Variants in FLACC1 observed in about 807,000 individuals in gnomAD.
FLACC1 encodes the protein flagellum associated containing coiled-coil domains 1.
FLACC1 carries 66 observed loss-of-function variants against 62.8 expected under a neutral mutation model. The observed-to-expected ratio is 1.05, with a 90% CI of 0.86 to 1.29. FLACC1 has a LOEUF of 1.29. FLACC1 is among the 50% of genes most tolerant of loss of function. FLACC1 has a pLI of 0.00. For synonymous variants in FLACC1, 156 were observed against 161.0 expected, an observed-to-expected ratio of 0.97 and a Z score of 0.24; for missense variants, 452 against 489.1, an observed-to-expected ratio of 0.92 and a Z score of 0.71.
intron 9 of FLACC1, among the ~76,000 whole-genome samples, chr2:201,316,088 CTTATATAAA>C (rs1471837846): frequency 3.9e-5 from 6 of 152,030 alleles, no homozygotes; most frequent in African/African-American, 1.4e-4. Flanking sequence ...GCCCTAAACA[CTTATATAAA>C]AAAGTCTGAA....
At position 201,326,746 on chromosome 2, in the gene FLACC1, A is replaced by G. The variant is rs1950507050; in HGVS notation, c.675+3724T>C. 6.6e-6 allele frequency among the ~76,000 whole-genome samples: 1 copy of G among 152,194 alleles called. No homozygotes were observed. Among genetic ancestry groups the G allele is most frequent in the South Asian group, 2.1e-4 (1 of 4,832 alleles). ...GTTGTGAAAATGACCATACTGCCCA[A>G]AGTAATCTTGCATTACAGATCCAGT... On this transcript the variant is annotated intron_variant, in intron 9 of 14. Transcript: ENST00000392257. This position sits in a 1 kb window ranked among gnomAD's most constrained non-coding sequence, Gnocchi z 4.1.
intron 4 of FLACC1, 58 bp downstream of exon 4, chr2:201,348,196 G>A: frequency 6.5e-7 from 1 of 1,536,938 alleles, no homozygotes; most frequent in East Asian, 2.3e-5. Flanking sequence ...GCCCATGCTT[G>A]CACATAGTAG....
At chr2:201,339,849 T>G (rs1950771045) in intron 7 of FLACC1, among the ~76,000 whole-genome samples, 1 of 152,188 alleles carries the variant, frequency 6.6e-6, no homozygotes, top group Admixed American at 6.5e-5. Context: ...TTTTAGTGTT[T>G]TTTTCAGGTG....
rs187109214 is a variant in FLACC1 at position 201,349,903 on chromosome 2, T to C, written c.185+808A>G. ...GATACAGTGACTTTGAATCAAACAA[T>C]GCAATGACTTTGGAAGCTGTGGATG... On this transcript the variant is annotated intron_variant, in intron 3 of 14. Coordinates refer to ENST00000392257, the MANE Select transcript of FLACC1 (RefSeq NM_001127391.3). Among the ~76,000 whole-genome samples, 28 of 152,242 alleles carry C rather than the reference T, an allele frequency of 1.8e-4. No homozygotes were observed. In the East Asian group the frequency reaches 5.0e-3, roughly 27 times the overall value.
At chr2:201,317,257 C>T (rs781760274) in intron 9 of FLACC1, among the ~76,000 whole-genome samples, 2 of 152,154 alleles carry the variant, frequency 1.3e-5, no homozygotes, top group Non-Finnish European at 2.9e-5. Context: ...GGAAGTCAAA[C>T]TATTGCTGTT....
chr2:201,346,581 C>T lies in FLACC1; in HGVS notation c.329G>A (p.Arg110Gln), dbSNP rs372537746. Residue 110 changes from arginine to glutamine, a missense_variant, in exon 5 of 15, where the codon CGG becomes CAG. This residue lies in a region of FLACC1 where 147 missense variants were observed against 152.7 expected (regional missense o/e 0.96). Coordinates refer to ENST00000392257, the MANE Select transcript of FLACC1 (RefSeq NM_001127391.3). The surrounding 1 kb of genome is among the most constrained non-coding windows in gnomAD (Gnocchi z 4.0). ...TTTGTCCGGGATCTCCGATTCCCAC[C>T]GCTTTTTCCTATCAAACATCTCATC... Reference protein sequence around the residue: ...LGDEMFDRKKRWESEIPDKGR... With the variant: ...LGDEMFDRKKQWESEIPDKGR... 4.6e-5 allele frequency: 75 copies of T among 1,614,134 alleles called. No individual in the cohort carries two copies. Among genetic ancestry groups the T allele is most frequent in the South Asian group, 8.8e-5 (8 of 91,090 alleles).
intron 9 of FLACC1, among the ~76,000 whole-genome samples, chr2:201,327,496 G>A (rs760798383): frequency 1.2e-4 from 18 of 151,940 alleles, no homozygotes; most frequent in Non-Finnish European, 2.6e-4. Flanking sequence ...TAAAAAGTGG[G>A]CAAATGACAT....
chr2:201,330,411 T>C lies in FLACC1; in HGVS notation c.675+59A>G. On this transcript the variant is annotated intron_variant, in intron 9 of 14. Transcript: ENST00000392257. ...GACAAAAGCTCTAGATTTATCCCAA[T>C]GTTAGCCAGGAATGAGCCTTCCTTC... is the stretch of plus-strand genomic sequence containing the variant. The C allele has an allele frequency of 2.7e-6, 4 of 1,494,252 alleles. No individual in the cohort carries two copies. In the South Asian group the frequency reaches 3.6e-5, roughly 13 times the overall value. 92.6% of individuals were successfully genotyped at this position (1,494,252 alleles called of 1,614,324 possible). A position where few individuals can be genotyped will look rare whatever the true frequency, so the allele number is the denominator to read the frequency against.
chr2:201,296,386 A>G (rs1263514731), intron 12 of FLACC1, among the ~76,000 whole-genome samples: 1 of 152,012 alleles, frequency 6.6e-6, no homozygotes, highest in African/African-American at 2.4e-5. Flanking sequence ...GCTGGAAACC[A>G]TCATTCTGAG....
Position 201,329,995 on chromosome 2 carries a change from G to A in FLACC1, c.675+475C>T, listed in dbSNP as rs555666257. ...AAACAACTCAAATGCCCAATAATAGGGGAACAGTAAAATTTTAGAACCCAA... is the reference window on the plus strand; with the variant it reads ...AAACAACTCAAATGCCCAATAATAGAGGAACAGTAAAATTTTAGAACCCAA... On this transcript the variant is annotated intron_variant, in intron 9 of 14. Transcript: ENST00000392257. 4.7e-4 allele frequency among the ~76,000 whole-genome samples: 72 copies of A among 152,116 alleles called. 1 individual carries two copies. The highest frequency in any genetic ancestry group is 4.2e-3 in the South Asian group (20 of 4,816).
intron 12 of FLACC1, among the ~76,000 whole-genome samples, chr2:201,296,354 C>G (rs1264135451): frequency 6.6e-6 from 1 of 151,944 alleles, no homozygotes; most frequent in Non-Finnish European, 1.5e-5. Flanking sequence ...GAGCTCATGT[C>G]CTTGGTAGGG....
upstream of FLACC1, among the ~76,000 whole-genome samples, chr2:201,361,033 G>T (rs961423501): frequency 1.3e-5 from 2 of 152,130 alleles, no homozygotes; most frequent in Non-Finnish European, 2.9e-5. Context: ...AGCCAAGATC[G>T]TGCCACTGCA....
chr2:201,344,179 G>C lies in FLACC1; in HGVS notation c.453C>G (p.Ala151=). The change falls in exon 6 of 15, where the codon GCC becomes GCG. Residue 151 remains alanine (A), a synonymous_variant. Transcript: ENST00000392257. ...ATGTAAGGTCACTCACCAATTTCTG[G>C]GCAGACTGGTGGTCTCTGTTCATTT... ...IEQMNRDHQS[A]QKLLSSEMDL... is the part of the protein sequence containing the mutation. 6.2e-7 allele frequency: 1 copy of C among 1,610,384 alleles called. No homozygotes were observed. Among genetic ancestry groups the C allele is most frequent in the Non-Finnish European group, 8.5e-7 (1 of 1,177,652 alleles).
At chr2:201,344,713 A>C (rs1323449183) in intron 5 of FLACC1, among the ~76,000 whole-genome samples, 1 of 152,182 alleles carries the variant, frequency 6.6e-6, no homozygotes, top group Non-Finnish European at 1.5e-5. Context: ...GGTATTTAAG[A>C]GAGTGGCTTT....
At position 201,346,778 on chromosome 2, in the gene FLACC1, G is replaced by A. The variant is rs900121761; in HGVS notation, c.235-103C>T. The A allele has an allele frequency of 4.8e-6, 7 of 1,453,380 alleles. No homozygotes were observed. Among genetic ancestry groups the A allele is most frequent in the African/African-American group, 1.4e-5 (1 of 71,804 alleles). The allele number at this position is 1,453,380 out of a possible 1,614,324, so 90.0% of individuals were successfully genotyped here. On this transcript the variant is annotated intron_variant, in intron 4 of 14. Transcript: ENST00000392257. The surrounding 1 kb of genome is among the most constrained non-coding windows in gnomAD (Gnocchi z 4.0). Reference sequence around the variant, plus strand: ...ACTCACATCTTAAAAACAGGGACCTGGGACTCCACAGCCCAAGCCCTTCTG... The same window carrying A: ...ACTCACATCTTAAAAACAGGGACCTAGGACTCCACAGCCCAAGCCCTTCTG...
chr2:201,355,878 T>C (rs1166530345), intron 1 of FLACC1, among the ~76,000 whole-genome samples: 1 of 151,850 alleles, frequency 6.6e-6, no homozygotes, highest in Admixed American at 6.6e-5. Context: ...AATAAATAAA[T>C]AAAATAAAAA....
rs1162063385 is a variant in FLACC1, at chr2:201,330,689, T to C, written c.622+47A>G. 5 of 1,592,098 alleles carry C rather than the reference T, an allele frequency of 3.1e-6. No individual in the cohort carries two copies. In the African/African-American group the frequency reaches 4.0e-5, roughly 13 times the overall value. On this transcript the variant is annotated intron_variant, in intron 8 of 14. Coordinates refer to ENST00000392257, the MANE Select transcript of FLACC1 (RefSeq NM_001127391.3). ...CCCTAGAAGCTTATTAGAAATGCCA[T>C]TGCCTGGACCTTCATCCAGGGTCAT...
At chr2:201,302,813 C>G (rs994684850) in intron 11 of FLACC1, among the ~76,000 whole-genome samples, 2 of 152,152 alleles carry the variant, frequency 1.3e-5, no homozygotes, top group African/African-American at 2.4e-5. Flanking sequence ...AACTGAAAAA[C>G]CTGCTCCTGA....
At position 201,348,304 on chromosome 2, in the gene FLACC1, T is replaced by C. The variant is rs777911949; in HGVS notation, c.186-2A>G. 1.2e-6 allele frequency: 2 copies of C among 1,612,212 alleles called. No homozygotes were observed. Among genetic ancestry groups the C allele is most frequent in the Non-Finnish European group, 1.7e-6 (2 of 1,179,794 alleles). On this transcript the variant is annotated splice_acceptor_variant, in intron 3 of 14. Coordinates refer to ENST00000392257, the MANE Select transcript of FLACC1 (RefSeq NM_001127391.3). LOFTEE classifies it high-confidence loss of function. ...TGCCTTGCTGAATGGATTTTCATTCTGCAAGAGAAAGACATGCTCAGAAAG... is the reference window on the plus strand; with the variant it reads ...TGCCTTGCTGAATGGATTTTCATTCCGCAAGAGAAAGACATGCTCAGAAAG...
Sources: allele counts gnomAD v4.1 joint callset (sites outside exome capture counted in the v4.1 genomes callset), GRCh38; gene constraint gnomAD v4.1.1; regional missense constraint gnomAD v4.1.1; non-coding constraint Gnocchi (gnomAD v3.1); transcripts MANE v1.5; gene names NCBI Gene and HGNC (gene_info 2026-07-23, HGNC 2026-07-21).